Variants in VIPR2 observed in about 807,000 individuals in gnomAD.
VIPR2 encodes vasoactive intestinal peptide receptor 2.
VIPR2 carries 48 observed loss-of-function variants against 58.0 expected under a neutral mutation model. The ratio of observed to expected loss-of-function variants is 0.83; its 90% CI spans 0.66 to 1.05. The LOEUF is 1.05. Ranked by LOEUF, VIPR2 falls within the 50% of genes least tolerant of loss-of-function variation. VIPR2 has a pLI of 0.00. For missense variants in VIPR2, 534 were observed against 558.0 expected (o/e 0.96, Z 0.43); for synonymous variants, 243 against 235.2 (o/e 1.03, Z -0.30).
intron 5 of VIPR2, among the ~76,000 whole-genome samples, chr7:159,045,496 G>A (rs1777991515): frequency 6.6e-6 from 1 of 152,190 alleles, no homozygotes; most frequent in African/African-American, 2.4e-5. Context: ...TCTTTTTAAC[G>A]AATGGTGCTG....
intron 10 of VIPR2, 126 bp downstream of exon 10, chr7:159,034,087 G>C (rs1853755883): frequency 1.2e-6 from 1 of 866,776 alleles, no homozygotes; most frequent in South Asian, 1.6e-5. Flanking sequence ...CTGGGGCCCA[G>C]CCTCGAGGTG....
At chr7:159,083,067 C>T (rs534565825) in intron 4 of VIPR2, among the ~76,000 whole-genome samples, 2 of 152,260 alleles carry the variant, frequency 1.3e-5, no homozygotes, top group East Asian at 3.9e-4. Context: ...ATCTTGGTGG[C>T]CACACCCCCA....
At chr7:159,138,524 T>C (rs771358696) in intron 2 of VIPR2, among the ~76,000 whole-genome samples, 24 of 152,246 alleles carry the variant, frequency 1.6e-4, no homozygotes, top group Non-Finnish European at 2.5e-4. Flanking sequence ...TAAAAGTCCA[T>C]GGACCTGGGA....
At position 159,117,427 on chromosome 7, in the gene VIPR2, A is replaced by G. The variant is rs183057004; in HGVS notation, c.152-7508T>C. 106 of 717,462 alleles carry G rather than the reference A, an allele frequency of 1.5e-4. No homozygotes were observed. The East Asian group carries it at 2.0e-3, about 13-fold the overall frequency. 44.4% of individuals were successfully genotyped at this position (717,462 alleles called of 1,614,324 possible). A position where few individuals can be genotyped will look rare whatever the true frequency, so the allele number is the denominator to read the frequency against. On this transcript the variant is annotated intron_variant, in intron 2 of 12. Coordinates refer to ENST00000262178, the MANE Select transcript of VIPR2 (RefSeq NM_003382.5). The stretch of plus-strand genomic sequence containing the variant: ...ATGGCCTGTGAACAGACAGGATAAC[A>G]GTGAGCACATGAAACATAGTGCCGC...
chr7:159,047,947 T>C (rs1854752471), intron 5 of VIPR2, among the ~76,000 whole-genome samples: 1 of 152,230 alleles, frequency 6.6e-6, no homozygotes, highest in South Asian at 2.1e-4. Flanking sequence ...AGTGCTATCC[T>C]GTTGGTTTTG....
intron 3 of VIPR2, among the ~76,000 whole-genome samples, chr7:159,104,662 ACACCCTCCCTCCTCCTGACAG>A (rs953561528): frequency 3.0e-5 from 4 of 133,114 alleles, no homozygotes; most frequent in African/African-American, 1.2e-4. Context: ...CCTCCCAGCA[ACACCCTCCCTCCTCCTGACAG>A]CACCCTCCCT....
At chr7:159,087,835 A>T (rs1028127493) in intron 4 of VIPR2, among the ~76,000 whole-genome samples, 1 of 141,136 alleles carries the variant, frequency 7.1e-6, no homozygotes, top group Admixed American at 6.9e-5. Context: ...CCCAGGACTC[A>T]GATAGTGAGA....
Position 159,127,791 on chromosome 7 carries a change from C to G in VIPR2, c.151+14655G>C, listed in dbSNP as rs1193975433. On this transcript the variant is annotated intron_variant, in intron 2 of 12. Transcript: ENST00000262178. This position sits in a 1 kb window ranked among gnomAD's most constrained non-coding sequence, Gnocchi z 4.6. Reference sequence around the variant, plus strand: ...GGACAGCCAGTGCTTCCTTCCACGTCAAATATTCTCAAACCCTTTTCCCAA... The same window carrying G: ...GGACAGCCAGTGCTTCCTTCCACGTGAAATATTCTCAAACCCTTTTCCCAA... Among the ~76,000 whole-genome samples the G allele has an allele frequency of 6.6e-6, 1 of 152,220 alleles. No homozygotes were observed. The highest frequency in any genetic ancestry group is 1.5e-5 in the Non-Finnish European group (1 of 68,044).
intron 6 of VIPR2, among the ~76,000 whole-genome samples, chr7:159,041,937 A>G (rs1202760889): frequency 3.3e-5 from 5 of 152,104 alleles, no homozygotes; most frequent in Admixed American, 2.6e-4. Flanking sequence ...TTACTAGGAC[A>G]GGAACTCCAG....
At chr7:159,075,641 G>A (rs1856597794) in intron 4 of VIPR2, among the ~76,000 whole-genome samples, 1 of 150,830 alleles carries the variant, frequency 6.6e-6, no homozygotes, top group African/African-American at 2.4e-5. Flanking sequence ...GAGTAGCCCA[G>A]GGCCAGCACC....
At chr7:159,089,447 G>C (rs965013145) in intron 4 of VIPR2, among the ~76,000 whole-genome samples, 1 of 151,378 alleles carries the variant, frequency 6.6e-6, no homozygotes, top group Non-Finnish European at 1.5e-5. Context: ...TGTGGAATGG[G>C]AATAGCCTCA....
chr7:159,032,049 C>G lies in VIPR2; in HGVS notation c.990G>C (p.Thr330=). The change falls in exon 11 of 13, where the codon ACG becomes ACC. Residue 330 remains threonine, a synonymous_variant. Coordinates refer to ENST00000262178, the MANE Select transcript of VIPR2 (RefSeq NM_003382.5). ...QSQYKRLAKS[T]LLLIPLFGVH... is the part of the protein sequence containing the mutation. ...CGCCGAACAGCGGGATAAGCAGGAG[C>G]GTGGACTTGGCCAGCCTCCTGCACA... 2 of 1,614,084 alleles carry G rather than the reference C, an allele frequency of 1.2e-6. No homozygotes were observed. The highest frequency in any genetic ancestry group is 1.7e-6 in the Non-Finnish European group (2 of 1,180,032).
At chr7:159,116,045 G>A (rs1463785880) in intron 2 of VIPR2, among the ~76,000 whole-genome samples, 1 of 152,210 alleles carries the variant, frequency 6.6e-6, no homozygotes, top group Admixed American at 6.5e-5. Flanking sequence ...ACCCTGCTAT[G>A]TGGCCCCGTG....
chr7:159,044,039 C>T (rs1179783614), intron 5 of VIPR2, among the ~76,000 whole-genome samples: 2 of 152,202 alleles, frequency 1.3e-5, no homozygotes, highest in Non-Finnish European at 2.9e-5. Flanking sequence ...TCAGGCTGCT[C>T]TTTGGGCTTA....
chr7:159,049,423 C>T (rs983954275), intron 5 of VIPR2, among the ~76,000 whole-genome samples: 23 of 152,154 alleles, frequency 1.5e-4, no homozygotes, highest in African/African-American at 3.4e-4. Flanking sequence ...CTGTGGGGAG[C>T]GCCTGGGCCC....
chr7:159,096,205 G>A lies in VIPR2; in HGVS notation c.357+7552C>T, dbSNP rs1857830475. 1.3e-5 allele frequency among the ~76,000 whole-genome samples: 2 copies of A among 152,320 alleles called. No individual in the cohort carries two copies. Among genetic ancestry groups the A allele is most frequent in the African/African-American group, 4.8e-5 (2 of 41,578 alleles). On this transcript the variant is annotated intron_variant, in intron 4 of 12. Coordinates refer to ENST00000262178, the MANE Select transcript of VIPR2 (RefSeq NM_003382.5). The surrounding 1 kb of genome is among the most constrained non-coding windows in gnomAD (Gnocchi z 5.5). Reference sequence around the variant, plus strand: ...CAAGGCTGCCCAAGCCCAAAGACAGGCCTCCTATCCATCGAGGCCCGGAGA... The same window carrying A: ...CAAGGCTGCCCAAGCCCAAAGACAGACCTCCTATCCATCGAGGCCCGGAGA...
chr7:159,091,796 C>CCTGT (rs1169285442), intron 4 of VIPR2, among the ~76,000 whole-genome samples: 1 of 152,210 alleles, frequency 6.6e-6, no homozygotes, highest in African/African-American at 2.4e-5. Flanking sequence ...TGGGCCTGGA[C>CCTGT]CTGTCCTCCT....
chr7:159,104,582 A>G (rs1858527761), intron 3 of VIPR2, among the ~76,000 whole-genome samples: 1 of 118,748 alleles, frequency 8.4e-6, no homozygotes, highest in Non-Finnish European at 1.6e-5. Flanking sequence ...CTCACCACCG[A>G]TGGTGACCGG....
chr7:159,069,872 A>G (rs1046165116), intron 4 of VIPR2, among the ~76,000 whole-genome samples: 1 of 152,108 alleles, frequency 6.6e-6, no homozygotes, highest in African/African-American at 2.4e-5. Context: ...TGATTTCCTG[A>G]GCTGAAGATT....
Sources: allele counts gnomAD v4.1 joint callset (sites outside exome capture counted in the v4.1 genomes callset), GRCh38; gene constraint gnomAD v4.1.1; non-coding constraint Gnocchi (gnomAD v3.1); transcripts MANE v1.5; gene names NCBI Gene and HGNC (gene_info 2026-07-23, HGNC 2026-07-21).